OPCML: variants seen among roughly 807,000 people sequenced by gnomAD.
OPCML encodes the protein opioid binding protein/cell adhesion molecule like.
In OPCML, 13 loss-of-function variants were observed where a neutral mutation model predicts 37.8. That is an observed-to-expected ratio of 0.34 (90% CI 0.22 to 0.55). The LOEUF is 0.55. Among genes scored for constraint, OPCML ranks in the 20% least tolerant of loss-of-function variants. The probability of loss-of-function intolerance (pLI) is 0.91; values close to 1 mark genes in which losing one functional copy is unlikely to be tolerated. For synonymous variants in OPCML, 176 were observed against 168.8 expected (o/e 1.04, Z -0.33); for missense variants, 341 against 435.6 (o/e 0.78, Z 1.93).
chr11:133,366,317 C>A (rs1418731551), intron 1 of OPCML, among the ~76,000 whole-genome samples: 1 of 152,160 alleles, frequency 6.6e-6, no homozygotes, highest in Admixed American at 6.5e-5. Context: ...GGGTCACCGA[C>A]GTGAGGCTGC....
intron 1 of OPCML, among the ~76,000 whole-genome samples, chr11:133,109,342 C>A (rs145744179): frequency 3.9e-4 from 60 of 152,232 alleles, no homozygotes; most frequent in Non-Finnish European, 5.7e-4. Context: ...AGTGGGTTAC[C>A]GCTGCTGGCT....
rs559121439 is a variant in OPCML, at chr11:133,508,634, G to A, written c.61+23630C>T. On this transcript the variant is annotated intron_variant, in intron 1 of 7. Coordinates refer to ENST00000524381, the MANE Select transcript of OPCML (RefSeq NM_001012393.5). ...CTCTGGCCTCATAAGGAACTGGCCC[G>A]AGCCTCCCAATCACTTGGAGGAGTG... is the stretch of plus-strand genomic sequence containing the variant. 1.2e-3 allele frequency among the ~76,000 whole-genome samples: 188 copies of A among 152,276 alleles called. 2 individuals carry two copies. The highest frequency in any genetic ancestry group is 6.8e-3 in the Middle Eastern group (2 of 294).
intron 2 of OPCML, among the ~76,000 whole-genome samples, chr11:132,785,719 A>C (rs766353115): frequency 2.2e-4 from 34 of 152,046 alleles, no homozygotes; most frequent in Non-Finnish European, 4.7e-4. Context: ...CGTGCTTAGG[A>C]CCCACTCCAG....
Position 133,140,988 on chromosome 11 carries a change from AGAAGAAGAAGACGAC to A in OPCML, c.62-197993_62-197979del, listed in dbSNP as rs1197601111. Among the ~76,000 whole-genome samples, 16 of 4,430 alleles carry A rather than the reference AGAAGAAGAAGACGAC, an allele frequency of 3.6e-3. 6 individuals are homozygous for A. The highest frequency in any genetic ancestry group is 5.3e-3 in the African/African-American group (14 of 2,624). The allele number at this position is 4,430 out of a possible 152,430, so 2.9% of individuals were successfully genotyped here. A position where few individuals can be genotyped will look rare whatever the true frequency, so the allele number is the denominator to read the frequency against. Reference sequence around the variant, plus strand: ...AAGAAGAAGAAGAAGAAGAAGAAGAAGAAGAAGAAGACGACGACGACGACGACGACGACGACGACG... The same window carrying A: ...AAGAAGAAGAAGAAGAAGAAGAAGAAGACGACGACGACGACGACGACGACG... On this transcript the variant is annotated intron_variant, in intron 1 of 7. Coordinates refer to ENST00000524381, the MANE Select transcript of OPCML (RefSeq NM_001012393.5).
intron 3 of OPCML, among the ~76,000 whole-genome samples, chr11:132,573,287 TAGA>T (rs2096442719): frequency 6.6e-6 from 1 of 151,942 alleles, no homozygotes; most frequent in Admixed American, 6.6e-5. Context: ...CTATTTTAAA[TAGA>T]AGGAGTGAGA....
chr11:132,540,062 G>C (rs2096352257), intron 3 of OPCML, among the ~76,000 whole-genome samples: 1 of 152,124 alleles, frequency 6.6e-6, no homozygotes, highest in Non-Finnish European at 1.5e-5. Context: ...CTGAAGTTGA[G>C]CAAGTGAAAA....
chr11:132,619,300 T>C (rs1227998161), intron 3 of OPCML, among the ~76,000 whole-genome samples: 18 of 152,152 alleles, frequency 1.2e-4, no homozygotes, highest in Non-Finnish European at 2.4e-4. Context: ...CATTACTACA[T>C]ATATCTTCCT....
intron 1 of OPCML, among the ~76,000 whole-genome samples, chr11:133,239,975 G>A (rs1354737844): frequency 6.6e-6 from 1 of 152,022 alleles, no homozygotes; most frequent in Non-Finnish European, 1.5e-5. Flanking sequence ...AAAATAAAAC[G>A]AAGGTATTTT....
At chr11:132,604,278 T>C (rs2137798861) in intron 3 of OPCML, among the ~76,000 whole-genome samples, 1 of 131,296 alleles carries the variant, frequency 7.6e-6, no homozygotes, top group East Asian at 7.3e-4. Context: ...GTGTTTATTT[T>C]CGTAAAAAAA....
chr11:132,597,879 A>C (rs1197930719), intron 3 of OPCML, among the ~76,000 whole-genome samples: 1 of 152,206 alleles, frequency 6.6e-6, no homozygotes, highest in Non-Finnish European at 1.5e-5. Context: ...ACGCATTTTA[A>C]TGTGGCATAG....
intron 1 of OPCML, among the ~76,000 whole-genome samples, chr11:133,198,115 G>C (rs1938611190): frequency 6.6e-6 from 1 of 152,136 alleles, no homozygotes; most frequent in South Asian, 2.1e-4. Context: ...AACTCACATG[G>C]ATATCCTTCC....
intron 1 of OPCML, among the ~76,000 whole-genome samples, chr11:133,268,801 G>A (rs912112373): frequency 4.6e-5 from 7 of 152,162 alleles, no homozygotes; most frequent in African/African-American, 1.7e-4. Flanking sequence ...CTTTGAGTAC[G>A]ATATGAGTAG....
intron 1 of OPCML, among the ~76,000 whole-genome samples, chr11:133,530,082 A>AGACGGGG (rs1306797313): frequency 4.6e-5 from 7 of 152,314 alleles, no homozygotes; most frequent in African/African-American, 1.7e-4. Flanking sequence ...CTCCCCCAGA[A>AGACGGGG]GATGGGGGCA....
At chr11:132,572,329 C>A (rs74624510) in intron 3 of OPCML, among the ~76,000 whole-genome samples, 1 of 152,026 alleles carries the variant, frequency 6.6e-6, no homozygotes, top group African/African-American at 2.4e-5. Flanking sequence ...ATTGCCAAGA[C>A]CACTGTCATG....
intron 3 of OPCML, among the ~76,000 whole-genome samples, chr11:132,641,700 C>T (rs1445072093): frequency 6.6e-6 from 1 of 152,166 alleles, no homozygotes; most frequent in Non-Finnish European, 1.5e-5. Flanking sequence ...ACTTGCTTTC[C>T]TGCTGTGGGG....
At chr11:133,389,777 G>T (rs183491202) in intron 1 of OPCML, among the ~76,000 whole-genome samples, 1 of 152,280 alleles carries the variant, frequency 6.6e-6, no homozygotes, top group Admixed American at 6.5e-5. Context: ...ATACATAGAT[G>T]CAGGGCCCAT....
At chr11:133,470,055 G>T (rs538895168) in intron 1 of OPCML, among the ~76,000 whole-genome samples, 10 of 152,268 alleles carry the variant, frequency 6.6e-5, no homozygotes, top group Non-Finnish European at 1.2e-4. Flanking sequence ...GCCGCTTAAA[G>T]TTGAGACCTG....
intron 1 of OPCML, among the ~76,000 whole-genome samples, chr11:133,431,227 A>C (rs1289948752): frequency 6.6e-6 from 1 of 152,196 alleles, no homozygotes; most frequent in African/African-American, 2.4e-5. Flanking sequence ...GCTAAATCCT[A>C]GTTAAACGTC....
At chr11:133,396,487 A>G (rs559818107) in intron 1 of OPCML, among the ~76,000 whole-genome samples, 8 of 152,040 alleles carry the variant, frequency 5.3e-5, no homozygotes, top group African/African-American at 1.4e-4. Flanking sequence ...CCACTTTGCT[A>G]TTATCATGTT....
Sources: gnomAD v4.1 joint callset for allele counts (sites outside exome capture counted in the v4.1 genomes callset) on GRCh38, gnomAD v4.1.1 for gene constraint, MANE v1.5 for transcripts, NCBI Gene and HGNC (gene_info 2026-07-23, HGNC 2026-07-21) for gene names.